Variants in CSMD1 observed in about 807,000 individuals in gnomAD.
CSMD1 encodes the protein CUB and sushi domain-containing protein 1.
Under a neutral mutation model 417.5 loss-of-function variants are expected in CSMD1, and 213 were observed. The ratio of observed to expected loss-of-function variants is 0.51; its 90% CI spans 0.46 to 0.57. The LOEUF (loss-of-function observed/expected upper bound fraction) is 0.57. Among genes scored for constraint, CSMD1 ranks in the 20% least tolerant of loss-of-function variants. The pLI, the probability that CSMD1 is intolerant of heterozygous loss-of-function variation, is 0.00. For missense variants in CSMD1, 6,923 were observed against 4,529.7 expected (o/e 1.53, Z -15.17); for synonymous variants, 2,862 against 1,736.8 (o/e 1.65, Z -16.11).
chr8:4,317,850 G>C lies in CSMD1; in HGVS notation c.415+102103C>G, dbSNP rs567076214. 1.3e-5 allele frequency among the ~76,000 whole-genome samples: 2 copies of C among 152,154 alleles called. 1 individual carries two copies. Among genetic ancestry groups the C allele is most frequent in the Admixed American group, 1.3e-4 (2 of 15,272 alleles). On this transcript the variant is annotated intron_variant, in intron 3 of 69. Transcript: ENST00000635120. ...ATTTGTTTAATGTATTTTTGACCAA[G>C]TTAAACCGAATTTTGGCAGGATGAA...
In CSMD1 at chr8:2,935,563, T is replaced by C. The variant is rs1253066833; in HGVS notation, c.*3022A>G. ...GGTACATTTTACATTATTGGGAAAA[T>C]TACAGTTCTGTATTGTAAAAACATT... On this transcript the variant is annotated 3_prime_UTR_variant, in exon 70 of 70. Transcript: ENST00000635120. 8 of 152,144 alleles carry C rather than the reference T, an allele frequency of 5.3e-5. No individual in the cohort carries two copies. The highest frequency in any genetic ancestry group is 1.7e-4 in the African/African-American group (7 of 41,436). 9.4% of individuals were successfully genotyped at this position (152,144 alleles called of 1,614,324 possible).
chr8:4,172,118 G>A (rs543171440), intron 3 of CSMD1, among the ~76,000 whole-genome samples: 3 of 152,152 alleles, frequency 2.0e-5, no homozygotes, highest in Non-Finnish European at 4.4e-5. Flanking sequence ...GATCATTTCA[G>A]TAGGTGCATG....
intron 7 of CSMD1, among the ~76,000 whole-genome samples, chr8:3,667,837 G>C (rs907763604): frequency 3.9e-5 from 6 of 152,166 alleles, no homozygotes; most frequent in African/African-American, 7.2e-5. Context: ...AGGCATCCTG[G>C]AGTGTCTGTA....
intron 5 of CSMD1, among the ~76,000 whole-genome samples, chr8:3,974,974 T>C (rs1004162074): frequency 1.3e-5 from 2 of 152,194 alleles, no homozygotes; most frequent in African/African-American, 4.8e-5. Flanking sequence ...ATCCAGGATT[T>C]TCCCTATGTG....
intron 26 of CSMD1, among the ~76,000 whole-genome samples, chr8:3,271,829 AG>A (rs555450024): frequency 6.2e-4 from 95 of 152,184 alleles, no homozygotes; most frequent in South Asian, 3.5e-3. Context: ...TGTGGATATT[AG>A]CCCTTTGTCA....
intron 10 of CSMD1, among the ~76,000 whole-genome samples, chr8:3,501,712 G>C (rs891525858): frequency 3.3e-5 from 5 of 152,064 alleles, no homozygotes; most frequent in African/African-American, 9.7e-5. Context: ...ATGATAACAA[G>C]TTTATGTCTG....
chr8:3,251,643 A>G (rs1037127747), intron 26 of CSMD1, among the ~76,000 whole-genome samples: 3 of 152,148 alleles, frequency 2.0e-5, no homozygotes, highest in Non-Finnish European at 2.9e-5. Context: ...GAATCTATCA[A>G]TTACCTTGGG....
At chr8:4,268,166 C>G (rs538593009) in intron 3 of CSMD1, among the ~76,000 whole-genome samples, 1 of 152,224 alleles carries the variant, frequency 6.6e-6, no homozygotes, top group East Asian at 1.9e-4. Flanking sequence ...TTCACAACAA[C>G]TTAATTTGGA....
chr8:4,343,717 G>A (rs1222306079), intron 3 of CSMD1, among the ~76,000 whole-genome samples: 3 of 151,974 alleles, frequency 2.0e-5, no homozygotes, highest in East Asian at 3.9e-4. Context: ...GGGGAGCTTC[G>A]ACTAGGTCCA....
intron 5 of CSMD1, among the ~76,000 whole-genome samples, chr8:3,849,010 A>T (rs567302456): frequency 1.6e-4 from 24 of 152,084 alleles, no homozygotes; most frequent in Admixed American, 1.3e-3. Flanking sequence ...TTCATACAGA[A>T]GGTTCTCTGC....
At chr8:4,556,473 G>A (rs900626289) in intron 2 of CSMD1, among the ~76,000 whole-genome samples, 11 of 152,246 alleles carry the variant, frequency 7.2e-5, no homozygotes, top group African/African-American at 2.6e-4. Context: ...GCTTGCTACA[G>A]TCTCATGAGG....
At chr8:4,627,219 G>C (rs1371582202) in intron 2 of CSMD1, among the ~76,000 whole-genome samples, 1 of 152,120 alleles carries the variant, frequency 6.6e-6, no homozygotes, top group Non-Finnish European at 1.5e-5. Flanking sequence ...ATCAGCAACA[G>C]ACTTTGCTGT....
chr8:3,228,723 G>A (rs191863479), intron 27 of CSMD1, among the ~76,000 whole-genome samples: 2 of 151,436 alleles, frequency 1.3e-5, no homozygotes, highest in Non-Finnish European at 2.9e-5. Context: ...GGATTAACTC[G>A]TAGTTATATT....
intron 26 of CSMD1, among the ~76,000 whole-genome samples, chr8:3,269,061 A>T (rs534885772): frequency 6.6e-6 from 1 of 152,342 alleles, no homozygotes; most frequent in East Asian, 1.9e-4. Context: ...ATGTTAGAGA[A>T]AATGAATCAG....
chr8:4,856,847 C>G (rs868472644), intron 1 of CSMD1, among the ~76,000 whole-genome samples: 4 of 151,884 alleles, frequency 2.6e-5, no homozygotes, highest in South Asian at 2.1e-4. Context: ...GTCAACATTA[C>G]ACAGATCAAC....
chr8:4,260,808 T>C (rs1259407998), intron 3 of CSMD1, among the ~76,000 whole-genome samples: 2 of 152,170 alleles, frequency 1.3e-5, no homozygotes, highest in African/African-American at 4.8e-5. Flanking sequence ...TCCTGGAAAA[T>C]TATTATGTAT....
chr8:4,983,618 G>T lies in CSMD1; in HGVS notation c.85+10714C>A, dbSNP rs112173930. ...ACTGACTGCAACCTCTGTCTCTAGG[G>T]TTCAAGCGATTCTCCTGCCTCAACC... On this transcript the variant is annotated intron_variant, in intron 1 of 69. Coordinates refer to ENST00000635120, the MANE Select transcript of CSMD1 (RefSeq NM_033225.6). Among the ~76,000 whole-genome samples the T allele has an allele frequency of 3.3e-5, 5 of 152,218 alleles. 1 individual carries two copies. Among genetic ancestry groups the T allele is most frequent in the African/African-American group, 1.2e-4 (5 of 41,538 alleles).
chr8:3,147,358 G>C (rs1818907004), intron 40 of CSMD1, among the ~76,000 whole-genome samples: 1 of 152,132 alleles, frequency 6.6e-6, no homozygotes, highest in South Asian at 2.1e-4. Flanking sequence ...TCTTAAATAA[G>C]TAATATTTGT....
At chr8:4,586,655 A>C (rs562180291) in intron 2 of CSMD1, among the ~76,000 whole-genome samples, 217 of 152,234 alleles carry the variant, frequency 1.4e-3, no homozygotes, top group African/African-American at 5.1e-3. Flanking sequence ...CACAGCACTA[A>C]AATCCCTTTT....
Sources: allele counts gnomAD v4.1 joint callset (sites outside exome capture counted in the v4.1 genomes callset), GRCh38; gene constraint gnomAD v4.1.1; transcripts MANE v1.5; gene names NCBI Gene and HGNC (gene_info 2026-07-23, HGNC 2026-07-21).